Variants in CRYL1 observed in about 807,000 individuals in gnomAD.
CRYL1 encodes lambda-crystallin homolog.
Under a neutral mutation model 36.6 loss-of-function variants are expected in CRYL1, and 29 were observed. That is an observed-to-expected ratio of 0.79 (90% CI 0.59 to 1.08). The LOEUF (loss-of-function observed/expected upper bound fraction) is 1.08, where lower values mean the gene tolerates loss of function less well. CRYL1 is among the 50% of genes least tolerant of loss of function. The pLI, the probability that CRYL1 is intolerant of heterozygous loss-of-function variation, is 0.00. For synonymous variants in CRYL1, 152 were observed against 151.5 expected, an observed-to-expected ratio of 1.00 and a Z score of -0.02; for missense variants, 411 against 407.9, an observed-to-expected ratio of 1.01 and a Z score of -0.06.
At chr13:20,424,038 G>C (rs2031879193) in intron 5 of CRYL1, among the ~76,000 whole-genome samples, 1 of 152,006 alleles carries the variant, frequency 6.6e-6, no homozygotes, top group South Asian at 2.1e-4. Flanking sequence ...GAAAGTGCTG[G>C]GATTACAGGT....
At chr13:20,482,616 C>G (rs1261764256) in intron 3 of CRYL1, among the ~76,000 whole-genome samples, 1 of 152,238 alleles carries the variant, frequency 6.6e-6, no homozygotes, top group Non-Finnish European at 1.5e-5. Context: ...TCCCCGCCCT[C>G]TAGGGTTGGG....
chr13:20,480,306 A>C (rs2033250171), intron 3 of CRYL1, among the ~76,000 whole-genome samples: 1 of 151,996 alleles, frequency 6.6e-6, no homozygotes, highest in Non-Finnish European at 1.5e-5. Flanking sequence ...ACTTGAACCC[A>C]GGAGGCAGAG....
Position 20,435,912 on chromosome 13 carries a change from C to G in CRYL1, c.439-3616G>C, listed in dbSNP as rs2032203523. Reference sequence around the variant, plus strand: ...TCTTGCCAGCCCTCGGTGTTCGATGCTTCATGGGTAGCCCATCCTCTCGGC... The same window carrying G: ...TCTTGCCAGCCCTCGGTGTTCGATGGTTCATGGGTAGCCCATCCTCTCGGC... On this transcript the variant is annotated intron_variant, in intron 4 of 7. Transcript: ENST00000298248. The surrounding 1 kb of genome is among the most constrained non-coding windows in gnomAD (Gnocchi z 4.0). Among the ~76,000 whole-genome samples, 2 of 152,168 alleles carry G rather than the reference C, an allele frequency of 1.3e-5. No homozygotes were observed. The highest frequency in any genetic ancestry group is 2.9e-5 in the Non-Finnish European group (2 of 68,018).
At chr13:20,509,150 C>T (rs1007218718) in intron 2 of CRYL1, among the ~76,000 whole-genome samples, 2 of 149,598 alleles carry the variant, frequency 1.3e-5, no homozygotes, top group African/African-American at 2.5e-5. Context: ...GCCAAGATCG[C>T]GCCATTGCAC....
At chr13:20,474,352 G>T (rs537694407) in intron 3 of CRYL1, among the ~76,000 whole-genome samples, 7 of 152,192 alleles carry the variant, frequency 4.6e-5, no homozygotes, top group Non-Finnish European at 7.3e-5. Context: ...CCCAGCCGTT[G>T]CTGCATAGGG....
At chr13:20,502,878 T>C (rs1593491870) in intron 2 of CRYL1, among the ~76,000 whole-genome samples, 1 of 152,146 alleles carries the variant, frequency 6.6e-6, no homozygotes, top group African/African-American at 2.4e-5. Context: ...CCAGTCAAGG[T>C]AGGAGTCACA....
chr13:20,403,955 T>C lies in CRYL1; in HGVS notation c.*174A>G, dbSNP rs2031293889. ...TGTGCCGCCAGGCCCAGGGCTATGA[T>C]CCAAAGTGACGGGCAGACTACCGGC... On this transcript the variant is annotated 3_prime_UTR_variant, in exon 8 of 8. Coordinates refer to ENST00000298248, the MANE Select transcript of CRYL1 (RefSeq NM_015974.3). The C allele has an allele frequency of 4.0e-6, 2 of 500,268 alleles. No individual in the cohort carries two copies. Among genetic ancestry groups the C allele is most frequent in the South Asian group, 3.1e-5 (1 of 31,972 alleles). The allele number at this position is 500,268 out of a possible 1,614,324, so 31.0% of individuals were successfully genotyped here. A position where few individuals can be genotyped will look rare whatever the true frequency, so the allele number is the denominator to read the frequency against.
At chr13:20,430,374 C>T (rs2032032149) in intron 5 of CRYL1, 1 of 985,364 alleles carries the variant, frequency 1.0e-6, no homozygotes, top group South Asian at 4.7e-5. Flanking sequence ...AACACAGAGA[C>T]ATATGCAGGC....
chr13:20,451,600 A>G (rs1051045274), intron 3 of CRYL1, among the ~76,000 whole-genome samples: 1 of 152,214 alleles, frequency 6.6e-6, no homozygotes, highest in Non-Finnish European at 1.5e-5. Flanking sequence ...ATCTCACACC[A>G]GTCAAAGTGG....
At chr13:20,423,841 G>C (rs2031873359) in intron 5 of CRYL1, among the ~76,000 whole-genome samples, 1 of 149,242 alleles carries the variant, frequency 6.7e-6, no homozygotes, top group Admixed American at 6.7e-5. Context: ...TGTGATCTTG[G>C]CTCACTGCAA....
chr13:20,433,414 G>A (rs1448091385), intron 4 of CRYL1, among the ~76,000 whole-genome samples: 1 of 152,156 alleles, frequency 6.6e-6, no homozygotes, highest in Admixed American at 6.5e-5. Flanking sequence ...CCACTACATG[G>A]GTGATAGGTA....
intron 4 of CRYL1, among the ~76,000 whole-genome samples, chr13:20,438,611 C>T (rs1003979295): frequency 6.6e-6 from 1 of 152,210 alleles, no homozygotes; most frequent in African/African-American, 2.4e-5. Context: ...GTTCTTGGCC[C>T]AGGGTCTTTG....
At chr13:20,504,066 T>G (rs149257139) in intron 2 of CRYL1, among the ~76,000 whole-genome samples, 240 of 152,294 alleles carry the variant, frequency 1.6e-3, no homozygotes, top group African/African-American at 5.0e-3. Flanking sequence ...CGATTTCAGA[T>G]AGGGACTCAG....
At chr13:20,453,465 G>GAAATATTCTAATATATTTGAATATTTTT in intron 3 of CRYL1, among the ~76,000 whole-genome samples, 3 of 150,160 alleles carry the variant, frequency 2.0e-5, no homozygotes, top group Non-Finnish European at 2.9e-5. Flanking sequence ...TGAATATTTT[G>GAAATATTCTAATATATTTGAATATTTTT]AAAATGAAAA....
intron 3 of CRYL1, among the ~76,000 whole-genome samples, chr13:20,451,820 A>C (rs568810242): frequency 1.2e-4 from 19 of 152,360 alleles, no homozygotes; most frequent in African/African-American, 4.6e-4. Flanking sequence ...CCAGAAAGAC[A>C]GATGCACTTG....
chr13:20,404,780 A>C, intron 6 of CRYL1, 39 bp from the exon 7 acceptor site: 1 of 1,380,186 alleles, frequency 7.2e-7, no homozygotes, highest in Non-Finnish European at 1.0e-6. Flanking sequence ...AATCTCAGAA[A>C]AAAACATTCT....
intron 2 of CRYL1, among the ~76,000 whole-genome samples, 196 bp downstream of exon 2, chr13:20,512,247 T>C (rs2033928519): frequency 1.3e-5 from 2 of 152,224 alleles, no homozygotes; most frequent in South Asian, 4.1e-4. Context: ...TCCTCCCCCA[T>C]GGGAGCCCTT....
intron 3 of CRYL1, among the ~76,000 whole-genome samples, chr13:20,488,052 A>T (rs1156301619): frequency 6.6e-6 from 1 of 152,072 alleles, no homozygotes; most frequent in Non-Finnish European, 1.5e-5. Context: ...CAATGAGCCG[A>T]GATCACACCA....
intron 3 of CRYL1, among the ~76,000 whole-genome samples, chr13:20,456,679 C>A (rs1222903912): frequency 9.2e-6 from 1 of 108,822 alleles, no homozygotes; most frequent in Admixed American, 9.0e-5. Flanking sequence ...ACACACACAC[C>A]CCAGAATGCC....
Sources: allele counts gnomAD v4.1 joint callset (sites outside exome capture counted in the v4.1 genomes callset), GRCh38; gene constraint gnomAD v4.1.1; non-coding constraint Gnocchi (gnomAD v3.1); transcripts MANE v1.5; gene names NCBI Gene and HGNC (gene_info 2026-07-23, HGNC 2026-07-21).